The following STRBP variants were observed in gnomAD, a reference collection of about 807,000 sequenced individuals.
STRBP encodes spermatid perinuclear RNA binding protein, also known as spermatid perinuclear RNA-binding protein.
A neutral mutation model predicts 80.1 loss-of-function variants in STRBP; 13 were observed. The ratio of observed to expected loss-of-function variants is 0.16; its 90% CI spans 0.11 to 0.26. The LOEUF is 0.26. STRBP is among the 10% of genes least tolerant of loss of function. The pLI is 1.00. For synonymous variants in STRBP, 284 were observed against 291.2 expected (o/e 0.98, Z 0.25); for missense variants, 485 against 815.2 (o/e 0.59, Z 4.93).
At chr9:123,158,261 T>C (rs564546025) in intron 10 of STRBP, 71 bp downstream of exon 10, 2 of 1,562,672 alleles carry the variant, frequency 1.3e-6, no homozygotes, top group South Asian at 1.1e-5. Flanking sequence ...AAAAAAGTGT[T>C]TGAACACAAT....
At chr9:123,210,743 C>T (rs1238020299) in intron 2 of STRBP, among the ~76,000 whole-genome samples, 3 of 151,922 alleles carry the variant, frequency 2.0e-5, no homozygotes, top group African/African-American at 4.8e-5. Context: ...GTATGAGAAT[C>T]GCTTGAACCT....
At chr9:123,230,592 G>A (rs1436565740) in intron 2 of STRBP, among the ~76,000 whole-genome samples, 1 of 152,120 alleles carries the variant, frequency 6.6e-6, no homozygotes, top group African/African-American at 2.4e-5. Context: ...ACCATTTACA[G>A]CTATCTGCCT....
rs2037381034 is a variant in STRBP, at chr9:123,158,407, A to G, written c.858T>C (p.Pro286=). Residue 286 remains proline (P), a synonymous_variant, in exon 10 of 19, where the codon CCT becomes CCC. Transcript: ENST00000348403. ...LLPGGPGLHD[P]CERDPTDALS... is the part of the protein sequence containing the mutation. ...GAGCATCTGTTGGGTCTCGCTCACA[A>G]GGATCATGAAGACCAGGACCCCCTT... 1 of 1,613,602 alleles carries G rather than the reference A, an allele frequency of 6.2e-7. No individual in the cohort carries two copies. Among genetic ancestry groups the G allele is most frequent in the South Asian group, 1.1e-5 (1 of 91,038 alleles).
chr9:123,109,862 T>C (rs2035535706), intron 3 of STRBP: 1 of 152,196 alleles, frequency 6.6e-6, no homozygotes, highest in Non-Finnish European at 1.5e-5. Flanking sequence ...CACAAAGTTA[T>C]TGCCAAGGAT....
At chr9:123,256,190 C>T (rs2041025941) in intron 1 of STRBP, among the ~76,000 whole-genome samples, 1 of 151,780 alleles carries the variant, frequency 6.6e-6, no homozygotes, top group Non-Finnish European at 1.5e-5. Flanking sequence ...CACCCAGCTA[C>T]TTTGTTTCTA....
chr9:123,263,511 C>G (rs532173600), intron 1 of STRBP, among the ~76,000 whole-genome samples: 1 of 107,780 alleles, frequency 9.3e-6, no homozygotes, highest in Admixed American at 1.3e-4. Context: ...GGCCACAGAG[C>G]AAGACCCTGT....
intron 1 of STRBP, among the ~76,000 whole-genome samples, chr9:123,240,417 AAC>A (rs1346863296): frequency 2.0e-5 from 3 of 152,186 alleles, no homozygotes; most frequent in Non-Finnish European, 4.4e-5. Flanking sequence ...AAGAGAGAGA[AAC>A]ACAGAGACGT....
chr9:123,169,915 C>T lies in STRBP; in HGVS notation c.522G>A (p.Glu174=), dbSNP rs2037936469. The change falls in exon 6 of 19, where the codon GAG becomes GAA. Residue 174 remains glutamate, a synonymous_variant. Transcript: ENST00000348403. ...LTSPLIRDEL[E]KKDGENVSMK... ...ATACATGTGTACCTCCATCCTTCTTCTCCAATTCGTCCCTAATTAGAGGTG... is the reference window on the plus strand; with the variant it reads ...ATACATGTGTACCTCCATCCTTCTTTTCCAATTCGTCCCTAATTAGAGGTG... 6.4e-7 allele frequency: 1 copy of T among 1,561,170 alleles called. No homozygotes were observed. Among genetic ancestry groups the T allele is most frequent in the African/African-American group, 1.4e-5 (1 of 73,208 alleles).
chr9:123,117,055 G>A (rs191266205), downstream of STRBP, among the ~76,000 whole-genome samples: 1 of 152,294 alleles, frequency 6.6e-6, no homozygotes, highest in African/African-American at 2.4e-5. Flanking sequence ...TGTCTGCAAG[G>A]TGGGAACAAC....
chr9:123,233,273 C>G (rs970418748), intron 2 of STRBP, among the ~76,000 whole-genome samples: 1 of 152,090 alleles, frequency 6.6e-6, no homozygotes, highest in Non-Finnish European at 1.5e-5. Flanking sequence ...GGGGGTCTCA[C>G]TACGTTGCCC....
At chr9:123,197,320 T>C (rs111777974) in intron 2 of STRBP, among the ~76,000 whole-genome samples, 23 of 152,294 alleles carry the variant, frequency 1.5e-4, no homozygotes, top group African/African-American at 5.3e-4. Flanking sequence ...TAGTATTTGA[T>C]AACACAACAG....
At chr9:123,199,854 T>A (rs1345849635) in intron 2 of STRBP, among the ~76,000 whole-genome samples, 1 of 152,232 alleles carries the variant, frequency 6.6e-6, no homozygotes, top group Non-Finnish European at 1.5e-5. Flanking sequence ...TTGGATACCC[T>A]TTATTTCTTT....
chr9:123,263,203 C>T (rs2041193867), intron 1 of STRBP, among the ~76,000 whole-genome samples: 1 of 152,080 alleles, frequency 6.6e-6, no homozygotes, highest in African/African-American at 2.4e-5. Flanking sequence ...GAGTAGATCA[C>T]GTAGCAAAGA....
chr9:123,128,463 A>C (rs1205006375), intron 17 of STRBP, among the ~76,000 whole-genome samples: 1 of 152,166 alleles, frequency 6.6e-6, no homozygotes, highest in African/African-American at 2.4e-5. Context: ...ACCATGGCCT[A>C]CAAGGCTCTC....
chr9:123,222,889 T>C (rs2040111096), intron 2 of STRBP, among the ~76,000 whole-genome samples: 1 of 152,098 alleles, frequency 6.6e-6, no homozygotes, highest in Non-Finnish European at 1.5e-5. Flanking sequence ...GGAACGTTTA[T>C]GACAGCTTTA....
chr9:123,138,081 T>A (rs574620491), intron 14 of STRBP, among the ~76,000 whole-genome samples: 1 of 152,306 alleles, frequency 6.6e-6, no homozygotes, highest in African/African-American at 2.4e-5. Flanking sequence ...AAGAAATAAA[T>A]AAGGGCTTTG....
chr9:123,193,799 C>T (rs552996634), intron 2 of STRBP, among the ~76,000 whole-genome samples: 4 of 152,230 alleles, frequency 2.6e-5, no homozygotes, highest in African/African-American at 7.2e-5. Flanking sequence ...CTTCTCTTTC[C>T]TTCTCCTAGC....
At chr9:123,263,876 T>A (rs1183604917) in intron 1 of STRBP, among the ~76,000 whole-genome samples, 1 of 152,214 alleles carries the variant, frequency 6.6e-6, no homozygotes, top group African/African-American at 2.4e-5. Flanking sequence ...TGTTTATTAT[T>A]TCTGATATAA....
intron 5 of STRBP, among the ~76,000 whole-genome samples, chr9:123,171,502 G>A (rs542601698): frequency 7.9e-5 from 12 of 152,112 alleles, no homozygotes; most frequent in South Asian, 2.1e-4. Flanking sequence ...GAGGGTGCTC[G>A]GGGAGAAAGG....
Sources: gnomAD v4.1 joint callset for allele counts (sites outside exome capture counted in the v4.1 genomes callset) on GRCh38, gnomAD v4.1.1 for gene constraint, MANE v1.5 for transcripts, NCBI Gene and HGNC (gene_info 2026-07-23, HGNC 2026-07-21) for gene names.